The following CCDC92 variants were observed in gnomAD, a reference collection of about 807,000 sequenced individuals.
CCDC92 encodes the protein coiled-coil domain containing 92.
A neutral mutation model predicts 24.9 loss-of-function variants in CCDC92; 12 were observed. That is an observed-to-expected ratio of 0.48 (90% CI 0.31 to 0.78). The LOEUF is 0.78. Among genes scored for constraint, CCDC92 ranks in the 30% least tolerant of loss-of-function variants. The probability of loss-of-function intolerance (pLI) is 0.05; values close to 1 mark genes in which losing one functional copy is unlikely to be tolerated. For missense variants in CCDC92, 399 were observed against 439.4 expected (o/e 0.91, Z 0.82); for synonymous variants, 193 against 196.3 (o/e 0.98, Z 0.14).
At position 123,960,476 on chromosome 12, in the gene CCDC92, GCTTA is replaced by G. The variant is rs1244225095; in HGVS notation, c.-60+12049_-60+12052del. Among the ~76,000 whole-genome samples the G allele has an allele frequency of 5.9e-5, 9 of 152,336 alleles. No individual in the cohort carries two copies. In the East Asian group the frequency reaches 1.2e-3, roughly 20 times the overall value. On this transcript the variant is annotated intron_variant, in intron 1 of 4. Transcript: ENST00000238156. Reference sequence around the variant, plus strand: ...GACATACAGTATCTTCTCTGGTGCAGCTTACTGACACCTGGAAATTTATCTTATG... The same window carrying G: ...GACATACAGTATCTTCTCTGGTGCAGCTGACACCTGGAAATTTATCTTATG...
rs1367772187 is a variant in CCDC92 at position 123,943,952 on chromosome 12, G to A, written c.34+320C>T. On this transcript the variant is annotated intron_variant, in intron 2 of 4. Coordinates refer to ENST00000238156, the MANE Select transcript of CCDC92 (RefSeq NM_025140.3). ...AACAGACTGTGACTGACCAAATCACGCCCAAAAGATTTCCCTGACCAGGAA... is the reference window on the plus strand; with the variant it reads ...AACAGACTGTGACTGACCAAATCACACCCAAAAGATTTCCCTGACCAGGAA... 9 of 476,732 alleles carry A rather than the reference G, an allele frequency of 1.9e-5. 1 individual carries two copies. In the Admixed American group the frequency reaches 2.8e-4, roughly 15 times the overall value. 29.5% of individuals were successfully genotyped at this position (476,732 alleles called of 1,614,324 possible). A position where few individuals can be genotyped will look rare whatever the true frequency, so the allele number is the denominator to read the frequency against.
In CCDC92 at chr12:123,937,967, G is replaced by A. The variant is rs1955574182; in HGVS notation, c.224-137C>T. On this transcript the variant is annotated intron_variant, in intron 4 of 4. Transcript: ENST00000238156. The surrounding 1 kb of genome is among the most constrained non-coding windows in gnomAD (Gnocchi z 8.4). ...GGCCATGCAGAAGGCAGGGCTGTGG[G>A]GGCTCTGGAAAGACCCCTCCCCTCC... 4 of 882,480 alleles carry A rather than the reference G, an allele frequency of 4.5e-6. No homozygotes were observed. Among genetic ancestry groups the A allele is most frequent in the Non-Finnish European group, 6.9e-6 (4 of 583,824 alleles). 54.7% of individuals were successfully genotyped at this position (882,480 alleles called of 1,614,324 possible).
intron 4 of CCDC92, among the ~76,000 whole-genome samples, chr12:123,938,313 G>A (rs995715747): frequency 2.6e-5 from 4 of 152,112 alleles, no homozygotes; most frequent in South Asian, 2.1e-4. Context: ...CTCTGCCGCT[G>A]GCCGCCTCTC....
chr12:123,971,564 GTGGTAGCT>G (rs1956537464), intron 1 of CCDC92: 1 of 152,202 alleles, frequency 6.6e-6, no homozygotes, highest in Non-Finnish European at 1.5e-5. Flanking sequence ...GTATTACAGC[GTGGTAGCT>G]TGCATTTTGT....
intron 1 of CCDC92, chr12:123,972,199 GC>G (rs1410486957): frequency 6.6e-6 from 1 of 152,124 alleles, no homozygotes; most frequent in African/African-American, 2.4e-5. Context: ...GGGCCGGGGA[GC>G]CCCCTCCCCA....
chr12:123,943,702 C>T (rs1026804353), intron 2 of CCDC92: 14 of 609,298 alleles, frequency 2.3e-5, no homozygotes, highest in East Asian at 5.5e-5. Context: ...CTCTGCTTCC[C>T]GAACGCCTTG....
At chr12:123,969,386 T>C (rs1956468075) in intron 1 of CCDC92, among the ~76,000 whole-genome samples, 1 of 152,046 alleles carries the variant, frequency 6.6e-6, no homozygotes, top group Non-Finnish European at 1.5e-5. Context: ...ACTTGAGTCA[T>C]GTTTGAGTAA....
chr12:123,972,616 T>C lies in CCDC92; in HGVS notation c.-147A>G, dbSNP rs1956587493. 6.8e-6 allele frequency: 1 copy of C among 148,100 alleles called. No homozygotes were observed. Among genetic ancestry groups the C allele is most frequent in the African/African-American group, 2.5e-5 (1 of 40,206 alleles). The allele number at this position is 148,100 out of a possible 1,614,324, so 9.2% of individuals were successfully genotyped here. A position where few individuals can be genotyped will look rare whatever the true frequency, so the allele number is the denominator to read the frequency against. On this transcript the variant is annotated 5_prime_UTR_variant, in exon 1 of 5. The change abolishes an upstream ATG in the 5' untranslated region. Coordinates refer to ENST00000238156, the MANE Select transcript of CCDC92 (RefSeq NM_025140.3). ...GGCGGCGGTGGGGGCCCGTGGCCCA[T>C]GGGCTGGGCGGGGCGCGGCGGGCGG...
At chr12:123,966,490 G>C (rs774214849) in intron 1 of CCDC92, 6 of 152,156 alleles carry the variant, frequency 3.9e-5, no homozygotes, top group Admixed American at 1.3e-4. Flanking sequence ...ACTGATGAGG[G>C]TGTCAGTGCA....
intron 1 of CCDC92, chr12:123,971,908 G>A (rs548619552): frequency 2.6e-5 from 4 of 152,330 alleles, no homozygotes; most frequent in Admixed American, 6.5e-5. Context: ...AAGGCTACCA[G>A]GACGGGAGGC....
intron 1 of CCDC92, among the ~76,000 whole-genome samples, chr12:123,950,828 G>A (rs544927153): frequency 6.6e-6 from 1 of 152,328 alleles, no homozygotes; most frequent in South Asian, 2.1e-4. Context: ...TCTCCTGTGT[G>A]CACATCCTCC....
In CCDC92 at chr12:123,937,498, G is replaced by A; in HGVS notation, c.556C>T (p.Leu186=). 1 of 1,612,666 alleles carries A rather than the reference G, an allele frequency of 6.2e-7. No homozygotes were observed. Among genetic ancestry groups the A allele is most frequent in the South Asian group, 1.1e-5 (1 of 91,076 alleles). The part of the protein sequence containing the change: ...SDASPSGSPV[L]ASYKPAPPKD... Reference sequence around the variant, plus strand: ...GGGGGCGCTGGCTTGTAGCTGGCCAGCACGGGGCTCCCTGACGGGCTGGCA... The same window carrying A: ...GGGGGCGCTGGCTTGTAGCTGGCCAACACGGGGCTCCCTGACGGGCTGGCA... The change falls in exon 5 of 5, where the codon CTG becomes TTG. Residue 186 remains leucine, a synonymous_variant. Transcript: ENST00000238156. This position sits in a 1 kb window ranked among gnomAD's most constrained non-coding sequence, Gnocchi z 8.4.
chr12:123,941,508 T>A (rs998080801), intron 4 of CCDC92, among the ~76,000 whole-genome samples: 2 of 152,256 alleles, frequency 1.3e-5, no homozygotes, highest in African/African-American at 4.8e-5. Flanking sequence ...TACAAGGAAC[T>A]GGACACTCTC....
At position 123,937,919 on chromosome 12, in the gene CCDC92, G is replaced by A. The variant is rs1955572432; in HGVS notation, c.224-89C>T. On this transcript the variant is annotated intron_variant, in intron 4 of 4. Coordinates refer to ENST00000238156, the MANE Select transcript of CCDC92 (RefSeq NM_025140.3). The surrounding 1 kb of genome is among the most constrained non-coding windows in gnomAD (Gnocchi z 8.4). Reference sequence around the variant, plus strand: ...TATGGGGCAGGCGGACCTGTCTGGTGGGGGCCCTGTCTAGGCTGTGGGGGC... The same window carrying A: ...TATGGGGCAGGCGGACCTGTCTGGTAGGGGCCCTGTCTAGGCTGTGGGGGC... The A allele has an allele frequency of 7.3e-7, 1 of 1,361,008 alleles. No homozygotes were observed. The highest frequency in any genetic ancestry group is 1.5e-5 in the African/African-American group (1 of 68,962). The allele number at this position is 1,361,008 out of a possible 1,614,324, so 84.3% of individuals were successfully genotyped here. A position where few individuals can be genotyped will look rare whatever the true frequency, so the allele number is the denominator to read the frequency against.
At position 123,935,667 on chromosome 12, in the gene CCDC92, A is replaced by G. The variant is rs1369768765; in HGVS notation, c.*1391T>C. The G allele has an allele frequency of 9.4e-6, 5 of 530,086 alleles. No homozygotes were observed. Among genetic ancestry groups the G allele is most frequent in the African/African-American group, 1.9e-5 (1 of 53,082 alleles). 32.8% of individuals were successfully genotyped at this position (530,086 alleles called of 1,614,324 possible). On this transcript the variant is annotated 3_prime_UTR_variant, in exon 5 of 5. Coordinates refer to ENST00000238156, the MANE Select transcript of CCDC92 (RefSeq NM_025140.3). ...CCTGAATGGTTTTGTTTTTAATACT[A>G]CTTTTTAAAAGGAATTTATATAATC...
chr12:123,970,067 G>C (rs1956490078), intron 1 of CCDC92: 1 of 152,172 alleles, frequency 6.6e-6, no homozygotes, highest in Admixed American at 6.5e-5. Context: ...TTCGATAGCA[G>C]GTGGGTCTTT....
chr12:123,972,764 G>C lies in CCDC92; in HGVS notation c.-295C>G, dbSNP rs1956593107. On this transcript the variant is annotated 5_prime_UTR_variant, in exon 1 of 5. Coordinates refer to ENST00000238156, the MANE Select transcript of CCDC92 (RefSeq NM_025140.3). ...AGCCGCGGTGCACCCTGGGAGCGGG[G>C]CCGGCGGCGAGGCCTGGCCGCGCTG... 6.8e-6 allele frequency: 1 copy of C among 147,284 alleles called. No homozygotes were observed. The highest frequency in any genetic ancestry group is 2.1e-4 in the South Asian group (1 of 4,814). The allele number at this position is 147,284 out of a possible 1,614,324, so 9.1% of individuals were successfully genotyped here.
chr12:123,957,230 T>C (rs559320424), intron 1 of CCDC92, among the ~76,000 whole-genome samples: 2 of 152,372 alleles, frequency 1.3e-5, no homozygotes, highest in East Asian at 3.9e-4. Context: ...AAGTTCGAAA[T>C]TCTTAGGTTG....
Position 123,937,893 on chromosome 12 carries a change from C to T in CCDC92, c.224-63G>A, listed in dbSNP as rs1955571176. ...TTAGACTGAGGCCGAGTGGTGAGGCCTATGGGGCAGGCGGACCTGTCTGGT... is the reference window on the plus strand; with the variant it reads ...TTAGACTGAGGCCGAGTGGTGAGGCTTATGGGGCAGGCGGACCTGTCTGGT... On this transcript the variant is annotated intron_variant, in intron 4 of 4. Transcript: ENST00000238156. The surrounding 1 kb of genome is among the most constrained non-coding windows in gnomAD (Gnocchi z 8.4). 3 of 1,514,022 alleles carry T rather than the reference C, an allele frequency of 2.0e-6. No individual in the cohort carries two copies. Among genetic ancestry groups the T allele is most frequent in the Non-Finnish European group, 2.7e-6 (3 of 1,129,052 alleles). 93.8% of individuals were successfully genotyped at this position (1,514,022 alleles called of 1,614,324 possible).
Sources: gnomAD v4.1 joint callset for allele counts (sites outside exome capture counted in the v4.1 genomes callset) on GRCh38, gnomAD v4.1.1 for gene constraint, Gnocchi (gnomAD v3.1) non-coding constraint, MANE v1.5 for transcripts, NCBI Gene and HGNC (gene_info 2026-07-23, HGNC 2026-07-21) for gene names.